The following PSMC6 variants were observed in gnomAD, a reference collection of about 807,000 sequenced individuals.
PSMC6 encodes the protein 26S proteasome regulatory subunit 10B.
In PSMC6, 3 loss-of-function variants were observed where a neutral mutation model predicts 55.9. The observed-to-expected ratio is 0.05, with a 90% CI of 0.02 to 0.14. The LOEUF is 0.14. PSMC6 is among the 10% of genes least tolerant of loss of function. PSMC6 has a pLI of 1.00. For synonymous variants in PSMC6, 137 were observed against 155.9 expected (o/e 0.88, Z 0.90); for missense variants, 210 against 478.7 (o/e 0.44, Z 5.24).
At chr14:52,717,740 G>A (rs1029844290) in intron 7 of PSMC6, among the ~76,000 whole-genome samples, 18 of 151,958 alleles carry the variant, frequency 1.2e-4, no homozygotes, top group South Asian at 2.1e-4. Flanking sequence ...CACATAGGCC[G>A]GGTGCGGTGG....
chr14:52,715,619 CTT>C (rs35579887), intron 7 of PSMC6, among the ~76,000 whole-genome samples: 10 of 140,958 alleles, frequency 7.1e-5, no homozygotes, highest in Admixed American at 2.8e-4. Context: ...CTTTTCTTTT[CTT>C]TTTTTTTTTT....
At position 52,711,089 on chromosome 14, in the gene PSMC6, T is replaced by A. The variant is rs1206144940; in HGVS notation, c.259-12T>A. The stretch of plus-strand genomic sequence containing the variant: ...AAGTGTTGATGTAATATCTTTTGTT[T>A]TACAAAACTAGCTTGACAAAAGTAA... On this transcript the variant is annotated splice_polypyrimidine_tract_variant and intron_variant, in intron 4 of 13. Transcript: ENST00000445930. The A allele has an allele frequency of 6.3e-7, 1 of 1,591,592 alleles. No homozygotes were observed. The highest frequency in any genetic ancestry group is 8.6e-7 in the Non-Finnish European group (1 of 1,166,126).
intron 4 of PSMC6, 106 bp downstream of exon 4, chr14:52,708,922 C>T (rs2041734693): frequency 6.7e-7 from 1 of 1,495,868 alleles, no homozygotes. Context: ...ATGCCCATAA[C>T]TCACAAGGAT....
rs1456836151 is a variant in PSMC6, at chr14:52,728,542, C to T, written c.*925C>T. Reference sequence around the variant, plus strand: ...AATGTTCAAAACATGATTTCTGTTACCTATACATGATTCTTATATCATCTG... The same window carrying T: ...AATGTTCAAAACATGATTTCTGTTATCTATACATGATTCTTATATCATCTG... On this transcript the variant is annotated 3_prime_UTR_variant, in exon 14 of 14. Coordinates refer to ENST00000445930, the MANE Select transcript of PSMC6 (RefSeq NM_002806.5). The T allele has an allele frequency of 6.6e-6, 1 of 152,094 alleles. No individual in the cohort carries two copies. The highest frequency in any genetic ancestry group is 2.4e-5 in the African/African-American group (1 of 41,428). 9.4% of individuals were successfully genotyped at this position (152,094 alleles called of 1,614,324 possible).
At chr14:52,724,059 T>C (rs1880308474) in intron 13 of PSMC6, 23 bp downstream of exon 13, 1 of 1,595,208 alleles carries the variant, frequency 6.3e-7, no homozygotes, top group East Asian at 2.2e-5. Context: ...AGTACAGTTT[T>C]ACTATTGATT....
chr14:52,714,430 G>A (rs2041807950), intron 7 of PSMC6, among the ~76,000 whole-genome samples: 1 of 152,096 alleles, frequency 6.6e-6, no homozygotes, highest in Non-Finnish European at 1.5e-5. Context: ...GTTCTTTGAG[G>A]CATGCTTAGT....
At chr14:52,718,934 G>A in intron 9 of PSMC6, 43 bp from the exon 10 acceptor site, 1 of 1,443,856 alleles carries the variant, frequency 6.9e-7, no homozygotes, top group Non-Finnish European at 9.7e-7. Context: ...TGGTTGTAGA[G>A]GAAAAGAGTA....
chr14:52,711,785 A>G (rs892598720), intron 6 of PSMC6, among the ~76,000 whole-genome samples: 1 of 152,212 alleles, frequency 6.6e-6, no homozygotes, highest in Non-Finnish European at 1.5e-5. Context: ...AGCTAAAAAT[A>G]ATTGATGTAA....
At chr14:52,717,826 T>C (rs1319820069) in intron 7 of PSMC6, among the ~76,000 whole-genome samples, 2 of 151,934 alleles carry the variant, frequency 1.3e-5, no homozygotes, top group Admixed American at 6.6e-5. Context: ...AAGACCAGCC[T>C]GCGCAACACA....
At chr14:52,717,821 C>T (rs148464335) in intron 7 of PSMC6, among the ~76,000 whole-genome samples, 2 of 151,962 alleles carry the variant, frequency 1.3e-5, no homozygotes, top group East Asian at 3.9e-4. Flanking sequence ...AGTTCAAGAC[C>T]AGCCTGCGCA....
chr14:52,718,556 A>G, intron 9 of PSMC6: 1 of 513,148 alleles, frequency 1.9e-6, no homozygotes, highest in Non-Finnish European at 3.4e-6. Context: ...TGAGAGGCCA[A>G]GGTGGGCAGA....
chr14:52,726,569 AT>A (rs530519740), intron 13 of PSMC6, among the ~76,000 whole-genome samples: 359 of 152,076 alleles, frequency 2.4e-3, no homozygotes, highest in Middle Eastern at 0.014. Flanking sequence ...GGTAGTTTTG[AT>A]TGCTTCGGTT....
chr14:52,708,777 T>A lies in PSMC6; in HGVS notation c.219T>A (p.Ala73=), dbSNP rs1426760456. ...QLTEEKFIVK[A]TNGPRYVVGC... Reference sequence around the variant, plus strand: ...TTTTTCTTCTAGTCATTGTTAAAGCTACCAATGGACCAAGATATGTTGTGG... The same window carrying A: ...TTTTTCTTCTAGTCATTGTTAAAGCAACCAATGGACCAAGATATGTTGTGG... Residue 73 remains alanine (A), a synonymous_variant, in exon 4 of 14, where the codon GCT becomes GCA. Coordinates refer to ENST00000445930, the MANE Select transcript of PSMC6 (RefSeq NM_002806.5). The A allele has an allele frequency of 6.2e-7, 1 of 1,613,500 alleles. No homozygotes were observed. Among genetic ancestry groups the A allele is most frequent in the Non-Finnish European group, 8.5e-7 (1 of 1,179,814 alleles).
intron 12 of PSMC6, chr14:52,722,321 TGAG>T (rs999424296): frequency 6.6e-6 from 1 of 151,406 alleles, no homozygotes; most frequent in Non-Finnish European, 1.5e-5. Flanking sequence ...GGAATGCCGA[TGAG>T]GAGTTGGCAG....
chr14:52,719,250 C>T (rs1027798142), intron 10 of PSMC6, among the ~76,000 whole-genome samples: 4 of 152,156 alleles, frequency 2.6e-5, no homozygotes, highest in African/African-American at 7.2e-5. Context: ...ATTTGGTATA[C>T]ACCTGTACTA....
At chr14:52,726,626 A>G (rs1463889639) in intron 13 of PSMC6, among the ~76,000 whole-genome samples, 1 of 152,056 alleles carries the variant, frequency 6.6e-6, no homozygotes. Flanking sequence ...TACAGGGACC[A>G]TTTAAGCCTG....
chr14:52,716,403 C>T (rs907847326), intron 7 of PSMC6, among the ~76,000 whole-genome samples: 1 of 152,140 alleles, frequency 6.6e-6, no homozygotes, highest in Non-Finnish European at 1.5e-5. Context: ...GATTATTTCA[C>T]AATAGCCAAG....
rs751698603 is a variant in PSMC6, at chr14:52,727,686, TAATG to T, written c.*70_*73del. The T allele has an allele frequency of 1.7e-5, 18 of 1,054,850 alleles. No homozygotes were observed. The highest frequency in any genetic ancestry group is 4.7e-5 in the African/African-American group (3 of 63,330). 65.3% of individuals were successfully genotyped at this position (1,054,850 alleles called of 1,614,324 possible). A position where few individuals can be genotyped will look rare whatever the true frequency, so the allele number is the denominator to read the frequency against. On this transcript the variant is annotated 3_prime_UTR_variant, in exon 14 of 14. Coordinates refer to ENST00000445930, the MANE Select transcript of PSMC6 (RefSeq NM_002806.5). ...ATTGTAAAAATAAAGTTAAAGAAAA[TAATG>T]TATGTATTGGTAATGATGTCATTAA...
chr14:52,720,222 C>CAAAAAA (rs34123680), intron 10 of PSMC6, among the ~76,000 whole-genome samples: 16 of 62,372 alleles, frequency 2.6e-4, no homozygotes, highest in South Asian at 6.6e-4. Flanking sequence ...AGTCTGTCTC[C>CAAAAAA]AAAAAAAAAA....
Sources: allele counts gnomAD v4.1 joint callset (sites outside exome capture counted in the v4.1 genomes callset), GRCh38; gene constraint gnomAD v4.1.1; transcripts MANE v1.5; gene names NCBI Gene and HGNC (gene_info 2026-07-23, HGNC 2026-07-21).